ABR: variants seen among roughly 807,000 people sequenced by gnomAD.
ABR encodes the protein active breakpoint cluster region-related protein.
ABR carries 35 observed loss-of-function variants against 107.2 expected under a neutral mutation model. The ratio of observed to expected loss-of-function variants is 0.33; its 90% CI spans 0.25 to 0.43. The LOEUF (loss-of-function observed/expected upper bound fraction) is 0.43, where lower values mean the gene tolerates loss of function less well. Among genes scored for constraint, ABR ranks in the 20% least tolerant of loss-of-function variants. The pLI is 1.00. For missense variants in ABR, 815 were observed against 1,115.2 expected (o/e 0.73, Z 3.83); for synonymous variants, 498 against 462.0 (o/e 1.08, Z -1.00).
intron 10 of ABR, among the ~76,000 whole-genome samples, chr17:1,061,975 T>A (rs568511698): frequency 1.3e-5 from 2 of 152,326 alleles, no homozygotes; most frequent in South Asian, 2.1e-4. Context: ...CAGTACCATT[T>A]AAGCAAAGCC....
At chr17:1,180,335 G>A (rs1031207642), upstream of ABR, among the ~76,000 whole-genome samples, 2 of 152,102 alleles carry the variant, frequency 1.3e-5, no homozygotes, top group African/African-American at 4.8e-5. Flanking sequence ...GCGCGGCTTC[G>A]CGGGCGGGAG....
At chr17:1,102,017 G>C (rs1416693819) in intron 2 of ABR, among the ~76,000 whole-genome samples, 1 of 152,246 alleles carries the variant, frequency 6.6e-6, no homozygotes, top group East Asian at 1.9e-4. Flanking sequence ...ACAGGTGTGA[G>C]CCACCGCACC....
intron 16 of ABR, among the ~76,000 whole-genome samples, chr17:1,044,071 T>C (rs2031143580): frequency 6.6e-6 from 1 of 152,184 alleles, no homozygotes; most frequent in Non-Finnish European, 1.5e-5. Flanking sequence ...GGGAATATGC[T>C]AATCAGCTAG....
At chr17:1,104,035 C>T (rs920888978) in intron 2 of ABR, among the ~76,000 whole-genome samples, 11 of 151,040 alleles carry the variant, frequency 7.3e-5, no homozygotes, top group African/African-American at 2.7e-4. Context: ...ACTGGGAATA[C>T]GAAGGTGAAG....
At position 1,125,779 on chromosome 17, in the gene ABR, C is replaced by G. The variant is rs541763311; in HGVS notation, c.62-412G>C. 418 of 225,696 alleles carry G rather than the reference C, an allele frequency of 1.9e-3. 2 individuals are homozygous for G. Among genetic ancestry groups the G allele is most frequent in the South Asian group, 3.9e-3 (22 of 5,672 alleles). 14.0% of individuals were successfully genotyped at this position (225,696 alleles called of 1,614,324 possible). On this transcript the variant is annotated intron_variant, in intron 1 of 22. Coordinates refer to ENST00000302538, the MANE Select transcript of ABR (RefSeq NM_021962.5). Reference sequence around the variant, plus strand: ...ATAGGGAATAAGGAGGTGGGGGGGGCCGGTCGATGTCACTTCCTGTGGCCC... The same window carrying G: ...ATAGGGAATAAGGAGGTGGGGGGGGGCGGTCGATGTCACTTCCTGTGGCCC...
At chr17:1,193,411 C>T (rs1353899710) in intron 1 of ABR, among the ~76,000 whole-genome samples, 3 of 152,214 alleles carry the variant, frequency 2.0e-5, no homozygotes, top group Non-Finnish European at 2.9e-5. Flanking sequence ...CTTCACTCTT[C>T]GCAAGCAGCC....
rs1187822011 is a variant in ABR at position 1,058,738 on chromosome 17, T to C, written c.1305+7A>G. The C allele has an allele frequency of 1.3e-6, 2 of 1,485,770 alleles. No homozygotes were observed. The highest frequency in any genetic ancestry group is 2.4e-5 in the East Asian group (1 of 41,050). The allele number at this position is 1,485,770 out of a possible 1,614,324, so 92.0% of individuals were successfully genotyped here. ...GCTGTCTTGGTCCCACCCCCACCCA[T>C]CCTGACCTTTCCATTCCGATTGTGG... On this transcript the variant is annotated splice_region_variant and intron_variant, in intron 11 of 22. Transcript: ENST00000302538.
At chr17:1,228,717 G>C (rs990713900) in intron 1 of ABR, 5 of 151,886 alleles carry the variant, frequency 3.3e-5, no homozygotes, top group African/African-American at 1.2e-4. Flanking sequence ...CCGCGGAGTC[G>C]GCCGGGAAGG....
rs1239394413 is a variant in ABR, at chr17:1,078,069, AAGG to A, written c.700+1258_700+1260del. 8.6e-5 allele frequency among the ~76,000 whole-genome samples: 13 copies of A among 151,814 alleles called. No individual in the cohort carries two copies. Among genetic ancestry groups the A allele is most frequent in the Admixed American group, 1.3e-4 (2 of 15,272 alleles). On this transcript the variant is annotated intron_variant, in intron 6 of 22. Coordinates refer to ENST00000302538, the MANE Select transcript of ABR (RefSeq NM_021962.5). The surrounding 1 kb of genome is among the most constrained non-coding windows in gnomAD (Gnocchi z 7.5). Reference sequence around the variant, plus strand: ...GCCCCCAGCCAGCTGCGGGAGCTGCAAGGAGGATGGTCCGGGTCCCTTCCACCG... The same window carrying A: ...GCCCCCAGCCAGCTGCGGGAGCTGCAAGGATGGTCCGGGTCCCTTCCACCG...
At chr17:1,056,149 C>T (rs761862159) in intron 13 of ABR, 40 bp from the exon 14 acceptor site, 19 of 1,581,794 alleles carry the variant, frequency 1.2e-5, no homozygotes, top group Middle Eastern at 1.7e-4. Flanking sequence ...GGGTGGTCAG[C>T]GGATCCCCTC....
rs1414653336 is a variant in ABR, at chr17:1,157,486, T to G, written c.61+22181A>C. ...GGCTGGTCTCGAACTCCTGACCTCA[T>G]GTGATCTGCCTGCCTCGGCCTCCCA... is the stretch of plus-strand genomic sequence containing the variant. On this transcript the variant is annotated intron_variant, in intron 1 of 22. Coordinates refer to ENST00000302538, the MANE Select transcript of ABR (RefSeq NM_021962.5). This position sits in a 1 kb window ranked among gnomAD's most constrained non-coding sequence, Gnocchi z 4.7. Among the ~76,000 whole-genome samples, 1 of 151,854 alleles carries G rather than the reference T, an allele frequency of 6.6e-6. No individual in the cohort carries two copies. The highest frequency in any genetic ancestry group is 2.4e-5 in the African/African-American group (1 of 41,336).
intron 16 of ABR, chr17:1,031,614 T>C: frequency 8.4e-7 from 1 of 1,196,168 alleles, no homozygotes; most frequent in Non-Finnish European, 1.0e-6. Flanking sequence ...TCGGAGCAGC[T>C]TGTTGCGCAC....
chr17:1,015,506 G>T (rs1178907242), intron 16 of ABR, among the ~76,000 whole-genome samples: 1 of 151,516 alleles, frequency 6.6e-6, no homozygotes, highest in African/African-American at 2.4e-5. Context: ...GTCCAGGCCG[G>T]AGTGCAATGG....
chr17:1,226,741 T>C (rs1297239631), intron 1 of ABR, among the ~76,000 whole-genome samples: 3 of 133,244 alleles, frequency 2.3e-5, no homozygotes, highest in African/African-American at 6.1e-5. Context: ...GTCACGTATA[T>C]ACATGTGCTG....
chr17:1,110,344 C>CA (rs1176451960), intron 2 of ABR, among the ~76,000 whole-genome samples: 1 of 152,056 alleles, frequency 6.6e-6, no homozygotes, highest in East Asian at 1.9e-4. Context: ...AAACGGCACC[C>CA]ATGAGGGTGC....
At chr17:1,094,341 T>G (rs2037252714) in intron 3 of ABR, among the ~76,000 whole-genome samples, 1 of 151,742 alleles carries the variant, frequency 6.6e-6, no homozygotes, top group Non-Finnish European at 1.5e-5. Context: ...TTCCCGTCAG[T>G]GCGTACACGA....
intron 1 of ABR, among the ~76,000 whole-genome samples, chr17:1,202,544 A>G (rs1306001468): frequency 2.0e-5 from 3 of 152,086 alleles, no homozygotes; most frequent in Non-Finnish European, 2.9e-5. Context: ...TATTTCCCCT[A>G]TGGACAAAGA....
At chr17:1,146,752 AC>A (rs2040556127) in intron 1 of ABR, among the ~76,000 whole-genome samples, 1 of 130,520 alleles carries the variant, frequency 7.7e-6, no homozygotes, top group East Asian at 2.5e-4. Context: ...CACTGCCACC[AC>A]TGCCACATGA....
upstream of ABR, among the ~76,000 whole-genome samples, chr17:1,188,855 G>A (rs1286786309): frequency 6.6e-6 from 1 of 152,238 alleles, no homozygotes; most frequent in Non-Finnish European, 1.5e-5. Context: ...CACAAGGGAA[G>A]CCGGTGCCTC....
Sources: gnomAD v4.1 joint callset for allele counts (sites outside exome capture counted in the v4.1 genomes callset) on GRCh38, gnomAD v4.1.1 for gene constraint, Gnocchi (gnomAD v3.1) non-coding constraint, MANE v1.5 for transcripts, NCBI Gene and HGNC (gene_info 2026-07-23, HGNC 2026-07-21) for gene names.